The following ZC3H18 variants were observed in gnomAD, a reference collection of about 807,000 sequenced individuals.
ZC3H18 encodes the protein zinc finger CCCH-type containing 18, also known as zinc finger CCCH domain-containing protein 18.
In ZC3H18, 8 loss-of-function variants were observed where a neutral mutation model predicts 106.1. The ratio of observed to expected loss-of-function variants is 0.08; its 90% CI spans 0.04 to 0.14. The LOEUF is 0.14. ZC3H18 is among the 10% of genes least tolerant of loss of function. ZC3H18 has a pLI of 1.00. For missense variants in ZC3H18, 1,318 were observed against 1,278.4 expected, an observed-to-expected ratio of 1.03 and a Z score of -0.47; for synonymous variants, 635 against 522.1, an observed-to-expected ratio of 1.22 and a Z score of -2.95.
At chr16:88,624,185 T>A in intron 11 of ZC3H18, 123 bp downstream of exon 11, 1 of 1,380,726 alleles carries the variant, frequency 7.2e-7, no homozygotes, top group Non-Finnish European at 9.8e-7. Context: ...CTCAGGGGGC[T>A]GGCCCCAGGG....
chr16:88,574,622 C>T (rs1914624358), intron 1 of ZC3H18, among the ~76,000 whole-genome samples: 1 of 151,256 alleles, frequency 6.6e-6, no homozygotes, highest in East Asian at 1.9e-4. Context: ...CCTATCTCAG[C>T]CTCCCAAGTA....
chr16:88,608,905 G>T (rs1389816727), intron 6 of ZC3H18, 29 bp from the exon 7 acceptor site: 1 of 1,574,134 alleles, frequency 6.4e-7, no homozygotes, highest in East Asian at 2.2e-5. Flanking sequence ...CCTAAGTGAT[G>T]AGAGTTCTTT....
At chr16:88,613,361 C>G (rs569431928) in intron 8 of ZC3H18, among the ~76,000 whole-genome samples, 5 of 152,174 alleles carry the variant, frequency 3.3e-5, no homozygotes, top group Non-Finnish European at 7.3e-5. Flanking sequence ...GAGCATATAC[C>G]TCAGTGTGGA....
At chr16:88,605,748 G>A (rs1904980997) in intron 6 of ZC3H18, among the ~76,000 whole-genome samples, 1 of 152,232 alleles carries the variant, frequency 6.6e-6, no homozygotes, top group African/African-American at 2.4e-5. Context: ...TAAACAAAGT[G>A]ATCTCGAAGC....
In ZC3H18 at chr16:88,577,489, G is replaced by A. The variant is rs1321577398; in HGVS notation, c.366G>A (p.Glu122=). ...LRDEASSVTR[E]LDEHELDYDE... Reference sequence around the variant, plus strand: ...ATGAGGCCTCCTCAGTCACCAGGGAGCTGGATGAGCATGAGCTAGACTACG... The same window carrying A: ...ATGAGGCCTCCTCAGTCACCAGGGAACTGGATGAGCATGAGCTAGACTACG... Residue 122 remains glutamate (E), a synonymous_variant, in exon 2 of 18, where the codon GAG becomes GAA. Transcript: ENST00000301011. The A allele has an allele frequency of 6.2e-7, 1 of 1,612,990 alleles. No homozygotes were observed. The highest frequency in any genetic ancestry group is 1.7e-5 in the Admixed American group (1 of 59,964).
chr16:88,625,531 G>A (rs1906250182), intron 13 of ZC3H18: 2 of 502,868 alleles, frequency 4.0e-6, no homozygotes, highest in African/African-American at 3.9e-5. Context: ...AGGTGCCTCT[G>A]CCCTGCTGAC....
At chr16:88,584,291 G>T (rs773857769) in intron 2 of ZC3H18, among the ~76,000 whole-genome samples, 4 of 151,846 alleles carry the variant, frequency 2.6e-5, no homozygotes, top group African/African-American at 9.7e-5. Flanking sequence ...GCGTGATGTC[G>T]GGCACCTGTA....
intron 1 of ZC3H18, among the ~76,000 whole-genome samples, chr16:88,571,129 G>T (rs1415099776): frequency 1.3e-5 from 2 of 152,170 alleles, no homozygotes; most frequent in African/African-American, 4.8e-5. Flanking sequence ...AGAGGTGCTG[G>T]GTCCTTTATA....
At chr16:88,620,913 T>G (rs1001505601) in intron 8 of ZC3H18, among the ~76,000 whole-genome samples, 8 of 152,270 alleles carry the variant, frequency 5.3e-5, no homozygotes, top group African/African-American at 1.7e-4. Context: ...TTGCCCAGTT[T>G]GGAGTGCAGT....
chr16:88,631,138 A>G lies in ZC3H18; in HGVS notation c.2701A>G (p.Lys901Glu). 6.2e-7 allele frequency: 1 copy of G among 1,613,152 alleles called. No individual in the cohort carries two copies. ...GTCACCCCAGTCCAAGAGCTCCAGC[A>G]AGGTCACGAGCGTGCCCGGCAAAGC... Reference protein sequence around the residue: ...QLSPQSKSSSKVTSVPGKASD... With the variant: ...QLSPQSKSSSEVTSVPGKASD... The change falls in exon 18 of 18, where the codon AAG becomes GAG. Residue 901 changes from lysine (K) to glutamate (E), a missense_variant. By Grantham distance (56) the Lys-to-Glu change is moderately conservative (BLOSUM62 1). Coordinates refer to ENST00000301011, the MANE Select transcript of ZC3H18 (RefSeq NM_144604.4).
intron 7 of ZC3H18, among the ~76,000 whole-genome samples, chr16:88,609,835 A>G (rs1905190502): frequency 6.6e-6 from 1 of 152,180 alleles, no homozygotes; most frequent in Admixed American, 6.5e-5. Context: ...TTCCGATCTC[A>G]GGTGATCTGC....
At chr16:88,621,071 G>T (rs1325776290) in intron 8 of ZC3H18, among the ~76,000 whole-genome samples, 1 of 152,080 alleles carries the variant, frequency 6.6e-6, no homozygotes, top group Admixed American at 6.6e-5. Context: ...TTGAGACGAA[G>T]TCTTGCTCTG....
chr16:88,588,091 T>C (rs1053492244), intron 3 of ZC3H18, among the ~76,000 whole-genome samples: 3 of 152,266 alleles, frequency 2.0e-5, no homozygotes, highest in Admixed American at 2.0e-4. Context: ...TGCAGAGAAA[T>C]GTGCGGTACG....
At chr16:88,576,469 A>G (rs1194499080) in intron 1 of ZC3H18, among the ~76,000 whole-genome samples, 1 of 152,122 alleles carries the variant, frequency 6.6e-6, no homozygotes, top group Non-Finnish European at 1.5e-5. Context: ...TGAGCGGGTG[A>G]ACACAGCCCT....
intron 9 of ZC3H18, 182 bp downstream of exon 9, chr16:88,622,570 C>T: frequency 1.5e-6 from 1 of 667,626 alleles, no homozygotes; most frequent in Non-Finnish European, 2.4e-6. Flanking sequence ...GCATCAATGC[C>T]AAGTAGGACT....
At chr16:88,622,079 C>A in intron 8 of ZC3H18, 118 bp from the exon 9 acceptor site, 1 of 1,238,038 alleles carries the variant, frequency 8.1e-7, no homozygotes, top group Non-Finnish European at 1.1e-6. Flanking sequence ...CTTTGTTTCT[C>A]AGGTGATCCT....
chr16:88,615,608 A>G (rs759717169), intron 8 of ZC3H18, among the ~76,000 whole-genome samples: 2 of 152,230 alleles, frequency 1.3e-5, no homozygotes, highest in Non-Finnish European at 2.9e-5. Context: ...TCTGCTTTCC[A>G]GATTCACAAA....
At chr16:88,617,151 T>C (rs1286849282) in intron 8 of ZC3H18, among the ~76,000 whole-genome samples, 3 of 152,166 alleles carry the variant, frequency 2.0e-5, no homozygotes, top group Non-Finnish European at 4.4e-5. Flanking sequence ...TTTCCTTATC[T>C]CTAAGCTAAT....
rs756463334 is a variant in ZC3H18 at position 88,631,057 on chromosome 16, G to T, written c.2664-44G>T. On this transcript the variant is annotated intron_variant, in intron 17 of 17. Transcript: ENST00000301011. ...GGGGAGGTCACCCCTTCCACCTGCA[G>T]ACGTGGCTTCTGGGGGCTCAAGGTC... The T allele has an allele frequency of 1.9e-6, 3 of 1,608,858 alleles. No homozygotes were observed. The South Asian group carries it at 3.3e-5, about 18-fold the overall frequency.
Sources: allele counts gnomAD v4.1 joint callset (sites outside exome capture counted in the v4.1 genomes callset), GRCh38; gene constraint gnomAD v4.1.1; transcripts MANE v1.5; gene names NCBI Gene and HGNC (gene_info 2026-07-23, HGNC 2026-07-21).